The following COL28A1 variants were observed in gnomAD, a reference collection of about 807,000 sequenced individuals.
The protein encoded by COL28A1 is collagen alpha-1(XXVIII) chain.
COL28A1 carries 161 observed loss-of-function variants against 150.2 expected under a neutral mutation model. The ratio of observed to expected loss-of-function variants is 1.07; its 90% CI spans 0.94 to 1.22. COL28A1 has a LOEUF of 1.22. COL28A1 is among the 50% of genes most tolerant of loss of function. The pLI, the probability that COL28A1 is intolerant of heterozygous loss-of-function variation, is 0.00. For missense variants in COL28A1, 1,617 were observed against 1,388.3 expected (o/e 1.16, Z -2.62); for synonymous variants, 552 against 469.7 (o/e 1.18, Z -2.26).
chr7:7,358,969 A>C (rs889094620), intron 34 of COL28A1, among the ~76,000 whole-genome samples, 164 bp from the exon 35 acceptor site: 2 of 151,480 alleles, frequency 1.3e-5, no homozygotes, highest in African/African-American at 4.8e-5. Flanking sequence ...CTAAAACCCA[A>C]AATATTTCCC....
intron 14 of COL28A1, among the ~76,000 whole-genome samples, chr7:7,475,925 A>G (rs1788833125): frequency 6.6e-6 from 1 of 152,230 alleles, no homozygotes; most frequent in Admixed American, 6.5e-5. Context: ...GTTCATTAAC[A>G]AGGGCGTCTT....
intron 13 of COL28A1, among the ~76,000 whole-genome samples, chr7:7,480,089 T>C (rs1789264776): frequency 6.6e-6 from 1 of 152,228 alleles, no homozygotes. Context: ...GGGCTTGAGA[T>C]ACAGTAATCC....
rs180786559 is a variant in COL28A1 at position 7,436,504 on chromosome 7, G to A, written c.1792-41C>T. ...AACATTTCACAGGCTACAGTTGTGC[G>A]AGAAATCACAAGCACACATAGCAAA... On this transcript the variant is annotated intron_variant, in intron 22 of 34. Coordinates refer to ENST00000399429, the MANE Select transcript of COL28A1 (RefSeq NM_001037763.3). The A allele has an allele frequency of 3.3e-4, 321 of 960,730 alleles. 1 individual carries two copies. In the African/African-American group the frequency reaches 4.5e-3, roughly 13 times the overall value. The allele number at this position is 960,730 out of a possible 1,614,324, so 59.5% of individuals were successfully genotyped here.
intron 13 of COL28A1, among the ~76,000 whole-genome samples, chr7:7,487,409 C>A (rs6964749): frequency 0.1 from 15,298 of 152,020 alleles, 920 homozygotes; most frequent in Middle Eastern, 0.21. Context: ...GAAACCCTGT[C>A]TCTACAAAAA....
upstream of COL28A1, chr7:7,535,939 G>C (rs1178766563): frequency 1.3e-5 from 2 of 152,178 alleles, no homozygotes; most frequent in Non-Finnish European, 2.9e-5. Flanking sequence ...GAGTGGTCAG[G>C]CATTTGGCCA....
chr7:7,402,258 C>T (rs986824440), intron 27 of COL28A1, among the ~76,000 whole-genome samples: 3 of 152,180 alleles, frequency 2.0e-5, no homozygotes, highest in African/African-American at 7.2e-5. Context: ...GAACATTTCG[C>T]TTCTTCCCGT....
rs865788075 is a variant in COL28A1 at position 7,497,134 on chromosome 7, G to A, written c.1027-6488C>T. Among the ~76,000 whole-genome samples, 7 of 151,602 alleles carry A rather than the reference G, an allele frequency of 4.6e-5. No homozygotes were observed. In the South Asian group the frequency reaches 1.5e-3, roughly 32 times the overall value. ...GGAAGGAAGGAAGGAAGGAAGGAAA[G>A]AAGGATCAATATTTATCAAGTACTT... is the stretch of plus-strand genomic sequence containing the variant. On this transcript the variant is annotated intron_variant, in intron 11 of 34. Transcript: ENST00000399429.
intron 26 of COL28A1, among the ~76,000 whole-genome samples, chr7:7,419,503 G>A (rs1388884395): frequency 6.6e-6 from 1 of 152,160 alleles, no homozygotes. Context: ...CTGACACCCT[G>A]CCAGAGTAGC....
At chr7:7,472,718 G>C (rs1022214506) in intron 15 of COL28A1, among the ~76,000 whole-genome samples, 2 of 152,106 alleles carry the variant, frequency 1.3e-5, no homozygotes, top group East Asian at 1.9e-4. Flanking sequence ...CATAGCCAAA[G>C]CAAGACTAAG....
chr7:7,460,293 C>T (rs1787504422), intron 15 of COL28A1, among the ~76,000 whole-genome samples: 1 of 152,084 alleles, frequency 6.6e-6, no homozygotes, highest in South Asian at 2.1e-4. Flanking sequence ...AATGAGTTTT[C>T]TGATTTTAAC....
At chr7:7,345,429 C>A in the COL28A1 span, among the ~76,000 whole-genome samples, 1 of 152,116 alleles carries the variant, frequency 6.6e-6, no homozygotes, top group East Asian at 1.9e-4. Flanking sequence ...TACATAGTTA[C>A]CATTTCTGGT....
intron 33 of COL28A1, among the ~76,000 whole-genome samples, chr7:7,363,424 G>T (rs1188501017): frequency 2.6e-5 from 4 of 152,040 alleles, no homozygotes; most frequent in Admixed American, 6.6e-5. Context: ...TTTAATAAAT[G>T]AAAATAATTT....
chr7:7,387,088 C>T (rs77774331), intron 27 of COL28A1, among the ~76,000 whole-genome samples: 3,217 of 152,246 alleles, frequency 0.021, 114 homozygotes, highest in African/African-American at 0.074. Context: ...CACTTCCTAA[C>T]GCCATCGACT....
At position 7,482,086 on chromosome 7, in the gene COL28A1, A is replaced by G. The variant is rs555685057; in HGVS notation, c.1165-4906T>C. On this transcript the variant is annotated intron_variant, in intron 13 of 34. Coordinates refer to ENST00000399429, the MANE Select transcript of COL28A1 (RefSeq NM_001037763.3). ...ATTAATTCAATCTATCAGCAGATTT[A>G]TATTAGTGTGGTAGTGAAAAGAGAG... 2.6e-4 allele frequency among the ~76,000 whole-genome samples: 39 copies of G among 152,372 alleles called. No homozygotes were observed. The South Asian group carries it at 8.1e-3, about 32-fold the overall frequency.
chr7:7,429,891 C>T (rs1386522461), intron 25 of COL28A1, among the ~76,000 whole-genome samples: 1 of 152,112 alleles, frequency 6.6e-6, no homozygotes, highest in East Asian at 1.9e-4. Context: ...CTCACTCAGA[C>T]AATGGGAGTT....
At position 7,474,672 on chromosome 7, in the gene COL28A1, GA is replaced by G; in HGVS notation, c.1234-4del. 1 of 1,304,924 alleles carries G rather than the reference GA, an allele frequency of 7.7e-7. No individual in the cohort carries two copies. Among genetic ancestry groups the G allele is most frequent in the Non-Finnish European group, 1.1e-6 (1 of 897,848 alleles). 80.8% of individuals were successfully genotyped at this position (1,304,924 alleles called of 1,614,324 possible). On this transcript the variant is annotated splice_region_variant and splice_polypyrimidine_tract_variant and intron_variant, in intron 14 of 34. Coordinates refer to ENST00000399429, the MANE Select transcript of COL28A1 (RefSeq NM_001037763.3). Reference sequence around the variant, plus strand: ...GGTCCTTCAGAACCTTTTTCACCCTGAAAGTACAAGGGAGGGATATCAATGC... The same window carrying G: ...GGTCCTTCAGAACCTTTTTCACCCTGAAGTACAAGGGAGGGATATCAATGC...
intron 33 of COL28A1, among the ~76,000 whole-genome samples, chr7:7,362,016 A>C (rs1780694478): frequency 6.6e-6 from 1 of 152,104 alleles, no homozygotes; most frequent in Non-Finnish European, 1.5e-5. Context: ...AACATCACAC[A>C]ATGGGGCCTG....
rs531677536 is a variant in COL28A1 at position 7,463,878 on chromosome 7, A to G, written c.1303-7766T>C. On this transcript the variant is annotated intron_variant, in intron 15 of 34. Coordinates refer to ENST00000399429, the MANE Select transcript of COL28A1 (RefSeq NM_001037763.3). ...TAAAATACATAGAATTGCAGAATGG[A>G]TAAGAATTCACCAACCAATCTGCTG... Among the ~76,000 whole-genome samples the G allele has an allele frequency of 2.5e-3, 387 of 152,324 alleles. 1 individual carries two copies. Among genetic ancestry groups the G allele is most frequent in the African/African-American group, 8.9e-3 (371 of 41,572 alleles).
intron 30 of COL28A1, among the ~76,000 whole-genome samples, chr7:7,380,408 T>C (rs1781804620): frequency 6.6e-6 from 1 of 152,116 alleles, no homozygotes; most frequent in Non-Finnish European, 1.5e-5. Context: ...AGTGTGATCA[T>C]TTCTACCAAG....
Sources: gnomAD v4.1 joint callset for allele counts (sites outside exome capture counted in the v4.1 genomes callset) on GRCh38, gnomAD v4.1.1 for gene constraint, MANE v1.5 for transcripts, NCBI Gene and HGNC (gene_info 2026-07-23, HGNC 2026-07-21) for gene names.